Variants in NNT observed in about 807,000 individuals in gnomAD.
The protein encoded by NNT is NAD(P) transhydrogenase, mitochondrial.
NNT carries 50 observed loss-of-function variants against 104.8 expected under a neutral mutation model. That is an observed-to-expected ratio of 0.48 (90% CI 0.38 to 0.60). NNT has a LOEUF of 0.60. Ranked by LOEUF, NNT falls within the 20% of genes least tolerant of loss-of-function variation. The pLI is 0.00. For missense variants in NNT, 1,131 were observed against 1,330.7 expected, an observed-to-expected ratio of 0.85 and a Z score of 2.33; for synonymous variants, 461 against 490.4, an observed-to-expected ratio of 0.94 and a Z score of 0.79.
chr5:43,608,230 C>T (rs559121761), intron 1 of NNT, among the ~76,000 whole-genome samples: 2 of 152,286 alleles, frequency 1.3e-5, no homozygotes, highest in African/African-American at 4.8e-5. Context: ...CGCCTGGCTT[C>T]TTTCCATTCT....
Position 43,700,100 on chromosome 5 carries a change from T to C in NNT, c.2877-19T>C. 7 of 1,595,560 alleles carry C rather than the reference T, an allele frequency of 4.4e-6. No individual in the cohort carries two copies. The highest frequency in any genetic ancestry group is 6.0e-6 in the Non-Finnish European group (7 of 1,164,884). ...TGTCCTGTCAAGTAAGGCCAGCTCT[T>C]CATTTGTTTCATGTCTAGGTTTGGA... On this transcript the variant is annotated intron_variant, in intron 19 of 21. Transcript: ENST00000344920.
chr5:43,642,538 T>C (rs1305611414), intron 7 of NNT, among the ~76,000 whole-genome samples: 6 of 152,210 alleles, frequency 3.9e-5, no homozygotes, highest in Admixed American at 1.3e-4. Flanking sequence ...GTCTCTTGAT[T>C]CTTGCTCTTT....
chr5:43,665,298 G>T (rs1740580510), intron 17 of NNT, among the ~76,000 whole-genome samples: 1 of 151,210 alleles, frequency 6.6e-6, no homozygotes, highest in African/African-American at 2.4e-5. Context: ...ATTTGGCAGG[G>T]TCATAGGACA....
rs1372537609 is a variant in NNT at position 43,680,208 on chromosome 5, C to T, written c.2876+2402C>T. ...TTGCTTTGTGCGTGTGTTAGCTTTT[C>T]ACAGGAGAAATGCAAATTTTCTTTA... is the stretch of plus-strand genomic sequence containing the variant. On this transcript the variant is annotated intron_variant, in intron 19 of 21. Transcript: ENST00000344920. Among the ~76,000 whole-genome samples, 4 of 151,586 alleles carry T rather than the reference C, an allele frequency of 2.6e-5. No individual in the cohort carries two copies. In the East Asian group the frequency reaches 7.7e-4, roughly 29 times the overall value.
At chr5:43,646,393 A>C (rs1476048122) in intron 10 of NNT, among the ~76,000 whole-genome samples, 1 of 151,898 alleles carries the variant, frequency 6.6e-6, no homozygotes, top group African/African-American at 2.4e-5. Context: ...TTGAGGAAGG[A>C]AGCTTCTCAC....
chr5:43,675,887 G>A (rs897071264), intron 18 of NNT, among the ~76,000 whole-genome samples: 13 of 152,202 alleles, frequency 8.5e-5, no homozygotes, highest in African/African-American at 3.1e-4. Context: ...AATTCTTACA[G>A]TGGGTTCTAG....
At chr5:43,673,443 CTT>C (rs1284842175) in intron 17 of NNT, among the ~76,000 whole-genome samples, 1 of 152,096 alleles carries the variant, frequency 6.6e-6, no homozygotes, top group Non-Finnish European at 1.5e-5. Flanking sequence ...TCACTGGACT[CTT>C]TTTTTAAAAA....
intron 20 of NNT, among the ~76,000 whole-genome samples, chr5:43,701,199 G>A (rs1475659041): frequency 6.6e-6 from 1 of 152,112 alleles, no homozygotes; most frequent in African/African-American, 2.4e-5. Flanking sequence ...AGTGAGCATA[G>A]TACCCCACAG....
intron 5 of NNT, among the ~76,000 whole-genome samples, chr5:43,621,626 A>G (rs1750101784): frequency 6.6e-6 from 1 of 151,784 alleles, no homozygotes. Flanking sequence ...GCTGATCTGG[A>G]ACTCCTGAGC....
rs1383794136 is a variant in NNT at position 43,704,698 on chromosome 5, T to G, written c.*294T>G. 3.7e-6 allele frequency: 1 copy of G among 271,430 alleles called. No individual in the cohort carries two copies. The highest frequency in any genetic ancestry group is 7.0e-6 in the Non-Finnish European group (1 of 143,178). The allele number at this position is 271,430 out of a possible 1,614,324, so 16.8% of individuals were successfully genotyped here. On this transcript the variant is annotated 3_prime_UTR_variant, in exon 22 of 22. Coordinates refer to ENST00000344920, the MANE Select transcript of NNT (RefSeq NM_182977.3). ...AGCCTCATTTTAGATGTAGTCCTGT[T>G]GGATTTTTTATGCCTCCTCAGTAAC... is the stretch of plus-strand genomic sequence containing the variant.
intron 20 of NNT, among the ~76,000 whole-genome samples, chr5:43,700,822 C>T (rs1742812874): frequency 6.6e-6 from 1 of 152,216 alleles, no homozygotes; most frequent in South Asian, 2.1e-4. Flanking sequence ...AACCACTTCC[C>T]TCTGGCAAAT....
rs746323394 is a variant in NNT at position 43,656,701 on chromosome 5, A to G, written c.2342A>G (p.Asn781Ser). The change falls in exon 16 of 22, where the codon AAT (asparagine) becomes AGT (serine). Residue 781 changes from asparagine (N) to serine (S), a missense_variant. Transcript: ENST00000344920. ...CTACTGCCTGGAAGGCACTTACTCAATGCAGGCTTACTGGCTGCTAGTGTG... is the reference window on the plus strand; with the variant it reads ...CTACTGCCTGGAAGGCACTTACTCAGTGCAGGCTTACTGGCTGCTAGTGTG... ...PLLLPGRHLL[N>S]AGLLAASVGG... 7 of 1,614,112 alleles carry G rather than the reference A, an allele frequency of 4.3e-6. No homozygotes were observed. The highest frequency in any genetic ancestry group is 1.1e-5 in the South Asian group (1 of 91,082).
At chr5:43,610,195 G>A (rs1749429794) in intron 2 of NNT, among the ~76,000 whole-genome samples, 1 of 128,172 alleles carries the variant, frequency 7.8e-6, no homozygotes, top group Admixed American at 8.1e-5. Flanking sequence ...CAAGTCAACT[G>A]TCTGTCTTTT....
At chr5:43,608,164 C>T (rs1436134543) in intron 1 of NNT, among the ~76,000 whole-genome samples, 3 of 152,064 alleles carry the variant, frequency 2.0e-5, no homozygotes, top group Non-Finnish European at 4.4e-5. Flanking sequence ...CTCCTGACCT[C>T]GTGATCTGCT....
chr5:43,644,523 CTT>C lies in NNT; in HGVS notation c.1099-87_1099-86del, dbSNP rs1029470437. 1.5e-5 allele frequency: 19 copies of C among 1,239,636 alleles called. No individual in the cohort carries two copies. The Admixed American group carries it at 2.6e-4, about 17-fold the overall frequency. 76.8% of individuals were successfully genotyped at this position (1,239,636 alleles called of 1,614,324 possible). A position where few individuals can be genotyped will look rare whatever the true frequency, so the allele number is the denominator to read the frequency against. ...TTCATAAAGATATATAATTACAAAA[CTT>C]AGCATTGAATATGAATGATAATTGT... On this transcript the variant is annotated intron_variant, in intron 8 of 21. Coordinates refer to ENST00000344920, the MANE Select transcript of NNT (RefSeq NM_182977.3).
In NNT at chr5:43,609,192, C is replaced by G. The variant is rs757648933; in HGVS notation, c.-4C>G. On this transcript the variant is annotated 5_prime_UTR_variant, in exon 2 of 22. It adds an upstream start codon to the 5' untranslated region. Coordinates refer to ENST00000344920, the MANE Select transcript of NNT (RefSeq NM_182977.3). Reference sequence around the variant, plus strand: ...GAGTCAGAAAATTGGGAACTCATATCAACATGGCAAACCTATTGAAAACAG... The same window carrying G: ...GAGTCAGAAAATTGGGAACTCATATGAACATGGCAAACCTATTGAAAACAG... 9.3e-6 allele frequency: 15 copies of G among 1,610,230 alleles called. No homozygotes were observed. The South Asian group carries it at 1.3e-4, about 14-fold the overall frequency.
Position 43,667,174 on chromosome 5 carries a change from C to A in NNT, c.2634+7824C>A, listed in dbSNP as rs1268718761. 4.1e-6 allele frequency: 6 copies of A among 1,473,372 alleles called. No individual in the cohort carries two copies. The East Asian group carries it at 1.4e-4, about 33-fold the overall frequency. 91.3% of individuals were successfully genotyped at this position (1,473,372 alleles called of 1,614,324 possible). A position where few individuals can be genotyped will look rare whatever the true frequency, so the allele number is the denominator to read the frequency against. ...TCTTTGTGATCGGGGTTTCTTGATA[C>A]CATTTCTGTGCCATTTTCGGGACTG... is the stretch of plus-strand genomic sequence containing the variant. On this transcript the variant is annotated intron_variant, in intron 17 of 21. Transcript: ENST00000344920.
chr5:43,663,486 A>G (rs1371848679), intron 17 of NNT, among the ~76,000 whole-genome samples: 2 of 152,228 alleles, frequency 1.3e-5, no homozygotes, highest in Non-Finnish European at 2.9e-5. Flanking sequence ...GAAGATGGAA[A>G]TTATCTTTTC....
At chr5:43,628,519 C>A in intron 7 of NNT, 132 bp downstream of exon 7, 2 of 608,338 alleles carry the variant, frequency 3.3e-6, no homozygotes, top group Non-Finnish European at 5.2e-6. Flanking sequence ...TATAAAAGTA[C>A]TAGAAAACGA....
Sources: allele counts gnomAD v4.1 joint callset (sites outside exome capture counted in the v4.1 genomes callset), GRCh38; gene constraint gnomAD v4.1.1; transcripts MANE v1.5; gene names NCBI Gene and HGNC (gene_info 2026-07-23, HGNC 2026-07-21).